ADAMTS12: variants seen among roughly 807,000 people sequenced by gnomAD.
ADAMTS12 encodes the protein A disintegrin and metalloproteinase with thrombospondin motifs 12.
A neutral mutation model predicts 167.8 loss-of-function variants in ADAMTS12; 118 were observed. The observed-to-expected ratio is 0.70, with a 90% CI of 0.61 to 0.82. The LOEUF (loss-of-function observed/expected upper bound fraction) is 0.82, where lower values mean the gene tolerates loss of function less well. ADAMTS12 is among the 40% of genes least tolerant of loss of function. The pLI is 0.00. For synonymous variants in ADAMTS12, 704 were observed against 716.9 expected, an observed-to-expected ratio of 0.98 and a Z score of 0.29; for missense variants, 1,916 against 1,998.8, an observed-to-expected ratio of 0.96 and a Z score of 0.79.
chr5:33,781,844 C>T (rs1157320785), intron 2 of ADAMTS12, among the ~76,000 whole-genome samples: 1 of 152,028 alleles, frequency 6.6e-6, no homozygotes, highest in Non-Finnish European at 1.5e-5. Flanking sequence ...TATCCCTCCC[C>T]CCCGACCCCA....
intron 3 of ADAMTS12, among the ~76,000 whole-genome samples, chr5:33,723,881 T>C (rs1199050213): frequency 1.3e-5 from 2 of 152,154 alleles, no homozygotes; most frequent in African/African-American, 4.8e-5. Context: ...AGAACACATG[T>C]TTCAGGTGGT....
chr5:33,583,714 A>T (rs1200517849), intron 18 of ADAMTS12, among the ~76,000 whole-genome samples: 3 of 152,174 alleles, frequency 2.0e-5, no homozygotes, highest in African/African-American at 4.8e-5. Context: ...ATCTCATTAT[A>T]GTTTTGATTT....
chr5:33,759,735 A>G (rs780148917), intron 2 of ADAMTS12, among the ~76,000 whole-genome samples: 11 of 152,188 alleles, frequency 7.2e-5, no homozygotes, highest in Non-Finnish European at 1.0e-4. Context: ...CCTTTTAGTT[A>G]ATTATCTTTG....
chr5:33,862,709 C>G lies in ADAMTS12; in HGVS notation c.489+18410G>C, dbSNP rs529207081. On this transcript the variant is annotated intron_variant, in intron 2 of 23. Transcript: ENST00000504830. ...CTCATTTTATGAGGCCAGCATCACC[C>G]TGATACCAAAACCTGGCAGAAACAC... Among the ~76,000 whole-genome samples, 6 of 152,252 alleles carry G rather than the reference C, an allele frequency of 3.9e-5. No homozygotes were observed. The East Asian group carries it at 1.2e-3, about 29-fold the overall frequency.
At chr5:33,643,742 A>G (rs1185929806) in intron 9 of ADAMTS12, among the ~76,000 whole-genome samples, 1 of 152,216 alleles carries the variant, frequency 6.6e-6, no homozygotes, top group African/African-American at 2.4e-5. Flanking sequence ...GGTCATTTCT[A>G]TATGTTTGGC....
chr5:33,821,662 T>C (rs1251122143), intron 2 of ADAMTS12, among the ~76,000 whole-genome samples: 1 of 152,194 alleles, frequency 6.6e-6, no homozygotes, highest in African/African-American at 2.4e-5. Flanking sequence ...AATTGAAATA[T>C]ATAAGGCAAC....
At chr5:33,772,306 A>G (rs547980780) in intron 2 of ADAMTS12, among the ~76,000 whole-genome samples, 29 of 152,300 alleles carry the variant, frequency 1.9e-4, no homozygotes, top group African/African-American at 7.0e-4. Context: ...ATCTGGTCCC[A>G]TCCTGTGCTC....
chr5:33,755,577 T>TGTGG (rs1294983344), intron 2 of ADAMTS12, among the ~76,000 whole-genome samples: 8 of 152,204 alleles, frequency 5.3e-5, no homozygotes, highest in African/African-American at 1.7e-4. Flanking sequence ...GACAGCATCT[T>TGTGG]ATATGGAATT....
intron 14 of ADAMTS12, among the ~76,000 whole-genome samples, chr5:33,622,841 A>T (rs1739400399): frequency 6.6e-6 from 1 of 152,234 alleles, no homozygotes; most frequent in Non-Finnish European, 1.5e-5. Context: ...CATACCGGTT[A>T]TCATTCACAT....
chr5:33,538,178 G>C (rs1243128305), intron 22 of ADAMTS12, among the ~76,000 whole-genome samples: 2 of 152,190 alleles, frequency 1.3e-5, no homozygotes, highest in East Asian at 3.9e-4. Flanking sequence ...ACAGGGCTGG[G>C]GAGGCCTCAG....
At chr5:33,663,290 G>A (rs982252909) in intron 5 of ADAMTS12, among the ~76,000 whole-genome samples, 1 of 152,114 alleles carries the variant, frequency 6.6e-6, no homozygotes, top group Non-Finnish European at 1.5e-5. Context: ...TGGGAATGAG[G>A]GAGTCGGCCT....
At chr5:33,536,052 G>A (rs964330332) in intron 22 of ADAMTS12, among the ~76,000 whole-genome samples, 1 of 152,222 alleles carries the variant, frequency 6.6e-6, no homozygotes, top group African/African-American at 2.4e-5. Flanking sequence ...TCTTCAGGAT[G>A]CAAGAAAATG....
intron 9 of ADAMTS12, among the ~76,000 whole-genome samples, chr5:33,646,347 C>A (rs1740662681): frequency 6.6e-6 from 1 of 152,084 alleles, no homozygotes; most frequent in African/African-American, 2.4e-5. Flanking sequence ...TTACTTAGGT[C>A]TTCGATTTAT....
Position 33,844,839 on chromosome 5 carries a change from G to A in ADAMTS12, c.489+36280C>T, listed in dbSNP as rs527588878. On this transcript the variant is annotated intron_variant, in intron 2 of 23. Transcript: ENST00000504830. ...CCTACCGAAATGTGATGCCTCCCCC[G>A]GACGCCCAGCTTTAAAATCTCTCTT... 1.5e-4 allele frequency among the ~76,000 whole-genome samples: 23 copies of A among 152,166 alleles called. 1 individual carries two copies. Among genetic ancestry groups the A allele is most frequent in the South Asian group, 1.0e-3 (5 of 4,824 alleles).
At chr5:33,752,418 C>T (rs777285626) in intron 2 of ADAMTS12, among the ~76,000 whole-genome samples, 7 of 152,112 alleles carry the variant, frequency 4.6e-5, no homozygotes, top group Non-Finnish European at 8.8e-5. Flanking sequence ...AGCTCAGACT[C>T]GGGAATTAAA....
chr5:33,740,417 A>T (rs548679269), intron 3 of ADAMTS12, among the ~76,000 whole-genome samples: 413 of 152,328 alleles, frequency 2.7e-3, no homozygotes, highest in African/African-American at 9.6e-3. Context: ...GGCCTGGGGC[A>T]GGGAGGTTAG....
intron 2 of ADAMTS12, among the ~76,000 whole-genome samples, chr5:33,874,745 A>G (rs1393516140): frequency 6.6e-6 from 1 of 152,198 alleles, no homozygotes; most frequent in Non-Finnish European, 1.5e-5. Context: ...ATTATTCAGC[A>G]CTAAAAAGAA....
intron 9 of ADAMTS12, among the ~76,000 whole-genome samples, chr5:33,644,195 T>C (rs1014224047): frequency 1.3e-5 from 2 of 152,242 alleles, no homozygotes; most frequent in African/African-American, 4.8e-5. Context: ...TTATCAATCT[T>C]TCTCTCTCTA....
intron 2 of ADAMTS12, among the ~76,000 whole-genome samples, chr5:33,781,068 A>G (rs10060338): frequency 0.05 from 7,661 of 152,248 alleles, 690 homozygotes; most frequent in African/African-American, 0.18. Flanking sequence ...TCTGGGATTA[A>G]GTGAATAGCA....
Sources: allele counts gnomAD v4.1 joint callset (sites outside exome capture counted in the v4.1 genomes callset), GRCh38; gene constraint gnomAD v4.1.1; transcripts MANE v1.5; gene names NCBI Gene and HGNC (gene_info 2026-07-23, HGNC 2026-07-21).